Variants in KIAA1217 observed in about 807,000 individuals in gnomAD.
The protein encoded by KIAA1217 is KIAA1217.
KIAA1217 carries 88 observed loss-of-function variants against 163.9 expected under a neutral mutation model. That is an observed-to-expected ratio of 0.54 (90% CI 0.45 to 0.64). KIAA1217 has a LOEUF of 0.64. Among genes scored for constraint, KIAA1217 ranks in the 30% least tolerant of loss-of-function variants. The pLI is 0.00. For synonymous variants in KIAA1217, 903 were observed against 923.1 expected, an observed-to-expected ratio of 0.98 and a Z score of 0.39; for missense variants, 2,372 against 2,475.0, an observed-to-expected ratio of 0.96 and a Z score of 0.88.
intron 2 of KIAA1217, among the ~76,000 whole-genome samples, chr10:24,304,778 A>G (rs1590788380): frequency 6.6e-6 from 1 of 152,176 alleles, no homozygotes; most frequent in Non-Finnish European, 1.5e-5. Flanking sequence ...GCAGAAGGAA[A>G]AGGAAGTGCA....
chr10:24,050,537 C>T (rs1564639042), intron 2 of KIAA1217, among the ~76,000 whole-genome samples: 1 of 151,932 alleles, frequency 6.6e-6, no homozygotes, highest in African/African-American at 2.4e-5. Flanking sequence ...AGCCAGTTTT[C>T]CCAACACCAT....
intron 3 of KIAA1217, among the ~76,000 whole-genome samples, chr10:24,400,962 T>TACACACACACACAC (rs375697958): frequency 0.037 from 4,309 of 117,062 alleles, 368 homozygotes; most frequent in African/African-American, 0.13. Flanking sequence ...GCAAGAAACA[T>TACACACACACACAC]ACACACACAC....
At chr10:23,886,390 C>G (rs1841176361) in intron 1 of KIAA1217, among the ~76,000 whole-genome samples, 1 of 151,936 alleles carries the variant, frequency 6.6e-6, no homozygotes, top group African/African-American at 2.4e-5. Flanking sequence ...AGTCAGTTGC[C>G]TTTTAGTCAA....
intron 2 of KIAA1217, among the ~76,000 whole-genome samples, chr10:24,340,693 T>C (rs1427831176): frequency 6.6e-6 from 1 of 152,204 alleles, no homozygotes; most frequent in Admixed American, 6.5e-5. Flanking sequence ...GAGCAATTCA[T>C]TGTGAAGTTT....
At chr10:23,946,632 A>T (rs1692091986) in intron 1 of KIAA1217, among the ~76,000 whole-genome samples, 1 of 151,996 alleles carries the variant, frequency 6.6e-6, no homozygotes, top group Non-Finnish European at 1.5e-5. Flanking sequence ...TTAAAATATC[A>T]TTATTATTAT....
intron 1 of KIAA1217, among the ~76,000 whole-genome samples, chr10:23,862,815 G>A (rs1166596425): frequency 2.0e-5 from 3 of 151,942 alleles, no homozygotes; most frequent in Non-Finnish European, 4.4e-5. Context: ...TCAAGCAGAA[G>A]CAAGATATTC....
At chr10:23,911,209 A>C (rs1842414833) in intron 1 of KIAA1217, among the ~76,000 whole-genome samples, 1 of 152,138 alleles carries the variant, frequency 6.6e-6, no homozygotes, top group South Asian at 2.1e-4. Context: ...GATTCAAGTC[A>C]CTGGGCCCCA....
chr10:23,811,776 CA>C (rs982669309), intron 1 of KIAA1217, among the ~76,000 whole-genome samples: 13 of 151,976 alleles, frequency 8.6e-5, no homozygotes, highest in African/African-American at 2.7e-4. Context: ...TGGATCTGGA[CA>C]GGGGGAAGTG....
intron 2 of KIAA1217, among the ~76,000 whole-genome samples, chr10:24,156,314 T>C (rs1169399749): frequency 6.6e-6 from 1 of 152,226 alleles, no homozygotes; most frequent in African/African-American, 2.4e-5. Context: ...TTCTTTTTAC[T>C]GTTGAGTAGT....
chr10:24,097,401 AC>A (rs1292539048), intron 2 of KIAA1217, among the ~76,000 whole-genome samples: 2 of 152,216 alleles, frequency 1.3e-5, no homozygotes, highest in Middle Eastern at 3.4e-3. Flanking sequence ...ACACAAAAAA[AC>A]ATTAGCCAAG....
intron 2 of KIAA1217, among the ~76,000 whole-genome samples, chr10:24,083,633 A>G (rs2061604468): frequency 6.6e-6 from 1 of 152,204 alleles, no homozygotes; most frequent in Non-Finnish European, 1.5e-5. Context: ...GAGTACTTTG[A>G]CACACATTTC....
At chr10:24,241,705 A>G (rs1460446840) in intron 2 of KIAA1217, among the ~76,000 whole-genome samples, 1 of 152,194 alleles carries the variant, frequency 6.6e-6, no homozygotes, top group Non-Finnish European at 1.5e-5. Flanking sequence ...AGACAGAAAC[A>G]CAGCCCATAA....
chr10:24,018,295 G>T (rs1348545319), intron 2 of KIAA1217, among the ~76,000 whole-genome samples: 2 of 152,074 alleles, frequency 1.3e-5, no homozygotes, highest in African/African-American at 4.8e-5. Flanking sequence ...TCTCTAACAT[G>T]CTCAAGGAGT....
At chr10:24,285,590 A>G (rs1326370384) in intron 2 of KIAA1217, among the ~76,000 whole-genome samples, 2 of 152,188 alleles carry the variant, frequency 1.3e-5, no homozygotes, top group African/African-American at 4.8e-5. Context: ...TTGTACCAGC[A>G]CCATGCTATT....
At chr10:24,258,055 C>T (rs1204887167) in intron 2 of KIAA1217, among the ~76,000 whole-genome samples, 1 of 152,060 alleles carries the variant, frequency 6.6e-6, no homozygotes, top group Non-Finnish European at 1.5e-5. Flanking sequence ...GTGGTGCATA[C>T]CTATAATCCC....
At chr10:23,914,219 G>C (rs562051080) in intron 1 of KIAA1217, among the ~76,000 whole-genome samples, 1 of 152,288 alleles carries the variant, frequency 6.6e-6, no homozygotes, top group Non-Finnish European at 1.5e-5. Flanking sequence ...TTTAGAGGCA[G>C]AGTGCAGCTT....
chr10:24,436,598 A>T (rs2060049204), intron 4 of KIAA1217, among the ~76,000 whole-genome samples: 2 of 151,852 alleles, frequency 1.3e-5, no homozygotes, highest in Non-Finnish European at 2.9e-5. Flanking sequence ...CTCTACGGAA[A>T]ATACAAAAAA....
intron 2 of KIAA1217, among the ~76,000 whole-genome samples, chr10:24,181,325 A>G (rs924036691): frequency 6.6e-6 from 1 of 152,184 alleles, no homozygotes; most frequent in Non-Finnish European, 1.5e-5. Context: ...ACCTGGCTAG[A>G]TGAAGTGAGA....
At chr10:24,470,390 G>C (rs1387956679) in intron 5 of KIAA1217, among the ~76,000 whole-genome samples, 4 of 152,218 alleles carry the variant, frequency 2.6e-5, no homozygotes, top group African/African-American at 9.7e-5. Flanking sequence ...CCTGAGTCAT[G>C]AGGGTGTCCA....
Sources: allele counts gnomAD v4.1 joint callset (sites outside exome capture counted in the v4.1 genomes callset), GRCh38; gene constraint gnomAD v4.1.1; transcripts MANE v1.5; gene names NCBI Gene and HGNC (gene_info 2026-07-23, HGNC 2026-07-21).